Variants in MUC5AC observed in about 807,000 individuals in gnomAD.
MUC5AC encodes the protein mucin 5AC, oligomeric mucus/gel-forming, also known as mucin-5AC.
Under a neutral mutation model 169.7 loss-of-function variants are expected in MUC5AC, and 158 were observed. The observed-to-expected ratio is 0.93, with a 90% CI of 0.82 to 1.06. The LOEUF (loss-of-function observed/expected upper bound fraction) is 1.06, where lower values mean the gene tolerates loss of function less well. Ranked by LOEUF, MUC5AC falls within the 50% of genes least tolerant of loss-of-function variation. MUC5AC has a pLI of 0.00. For synonymous variants in MUC5AC, 1,975 were observed against 1,237.0 expected, an observed-to-expected ratio of 1.60 and a Z score of -12.52; for missense variants, 4,359 against 3,089.9, an observed-to-expected ratio of 1.41 and a Z score of -9.74.
chr11:1,160,701 T>G lies in MUC5AC; in HGVS notation c.151+12T>G. On this transcript the variant is annotated intron_variant, in intron 2 of 48. Transcript: ENST00000621226. ...CCGGGGGCCCAGCGGTGAGTCTGAGTGTCCGGCCCCCACCCTAAGCCTGTC... is the reference window on the plus strand; with the variant it reads ...CCGGGGGCCCAGCGGTGAGTCTGAGGGTCCGGCCCCCACCCTAAGCCTGTC... 1 of 1,605,644 alleles carries G rather than the reference T, an allele frequency of 6.2e-7. No individual in the cohort carries two copies. The highest frequency in any genetic ancestry group is 8.5e-7 in the Non-Finnish European group (1 of 1,177,582).
At chr11:1,170,653 C>CCACT (rs1468122748) in intron 15 of MUC5AC, among the ~76,000 whole-genome samples, 1 of 113,904 alleles carries the variant, frequency 8.8e-6, no homozygotes, top group Non-Finnish European at 1.8e-5. Flanking sequence ...ACCCATTCAC[C>CCACT]CACTCACTCA....
At chr11:1,198,519 C>CG (rs1554930488) in intron 43 of MUC5AC, among the ~76,000 whole-genome samples, 1 of 152,068 alleles carries the variant, frequency 6.6e-6, no homozygotes, top group African/African-American at 2.4e-5. Context: ...TGCCTGGCTC[C>CG]GGGGGGCTCC....
At chr11:1,167,833 C>A in intron 11 of MUC5AC, 44 bp from the exon 12 acceptor site, 1 of 1,500,492 alleles carries the variant, frequency 6.7e-7, no homozygotes, top group Non-Finnish European at 9.1e-7. Flanking sequence ...GTGGGCTGGG[C>A]GTTGGATGGA....
chr11:1,171,227 C>T (rs1229528109), intron 15 of MUC5AC, among the ~76,000 whole-genome samples: 19 of 149,308 alleles, frequency 1.3e-4, no homozygotes, highest in African/African-American at 4.2e-4. Context: ...CTCACCCACT[C>T]ACCCATTCAC....
rs1049041502 is a variant in MUC5AC at position 1,174,904 on chromosome 11, C to G, written c.2115C>G (p.Pro705=). Residue 705 remains proline, a synonymous_variant, in exon 18 of 49, where the codon CCC becomes CCG. Transcript: ENST00000621226. ...CAGCGAAGCCTATGACCACTTGCCC[C>G]AAGTCAATGACGTACCACTACCATG... ...GVCTKPMTTC[P]KSMTYHYHVS... The G allele has an allele frequency of 2.4e-6, 1 of 413,548 alleles. No individual in the cohort carries two copies. Among genetic ancestry groups the G allele is most frequent in the Non-Finnish European group, 4.3e-6 (1 of 234,320 alleles). The allele number at this position is 413,548 out of a possible 1,614,324, so 25.6% of individuals were successfully genotyped here. A position where few individuals can be genotyped will look rare whatever the true frequency, so the allele number is the denominator to read the frequency against.
intron 31 of MUC5AC, 69 bp from the exon 32 acceptor site, chr11:1,192,714 T>C: frequency 1.4e-6 from 1 of 697,784 alleles, no homozygotes; most frequent in Non-Finnish European, 2.6e-6. Context: ...CCCCTCTGGC[T>C]CTGGGAGTTT....
At chr11:1,169,076 A>C (rs1590137827) in intron 15 of MUC5AC, 50 bp downstream of exon 15, 2 of 1,486,134 alleles carry the variant, frequency 1.3e-6, no homozygotes, top group African/African-American at 1.4e-5. Context: ...GCGCTGGTTC[A>C]CCCGCTTCCA....
In MUC5AC at chr11:1,177,650, C is replaced by T. The variant is rs933109099; in HGVS notation, c.3087+17C>T. The T allele has an allele frequency of 2.0e-5, 8 of 398,512 alleles. No homozygotes were observed. Among genetic ancestry groups the T allele is most frequent in the African/African-American group, 6.2e-5 (3 of 48,598 alleles). The allele number at this position is 398,512 out of a possible 1,614,324, so 24.7% of individuals were successfully genotyped here. A position where few individuals can be genotyped will look rare whatever the true frequency, so the allele number is the denominator to read the frequency against. On this transcript the variant is annotated intron_variant, in intron 24 of 48. Transcript: ENST00000621226. The stretch of plus-strand genomic sequence containing the variant: ...GAGTTCAAGGTGAGACCACGCCCCT[C>T]GTCCAGGCCAGGGCCGGCTGGAAAC...
Position 1,163,988 on chromosome 11 carries a change from C to A in MUC5AC, c.786C>A (p.Gly262=), listed in dbSNP as rs771130846. 4.3e-6 allele frequency: 7 copies of A among 1,610,046 alleles called. No individual in the cohort carries two copies. Among genetic ancestry groups the A allele is most frequent in the South Asian group, 1.1e-5 (1 of 90,674 alleles). ...AACCCCCGAGGAACTGCTCCACTGG[C>A]TTTGTAAGCCTTGGAGGGAACAGAG... ...VPEPPRNCST[G]FGICEELLHG... is the part of the protein sequence containing the mutation. Residue 262 remains glycine, a synonymous_variant, in exon 7 of 49, where the codon GGC becomes GGA. Transcript: ENST00000621226.
At chr11:1,164,743 G>A (rs1315299056) in intron 9 of MUC5AC, among the ~76,000 whole-genome samples, 1 of 149,410 alleles carries the variant, frequency 6.7e-6, no homozygotes, top group Non-Finnish European at 1.5e-5. Flanking sequence ...GGGCCCCTAA[G>A]GCTGGTTGAG....
chr11:1,169,051 T>C, intron 15 of MUC5AC, 25 bp downstream of exon 15: 1 of 1,525,284 alleles, frequency 6.6e-7, no homozygotes, highest in Non-Finnish European at 8.8e-7. Context: ...GGCTCGCCTC[T>C]GTGCTGGCCG....
In MUC5AC at chr11:1,162,050, A is replaced by G. The variant is rs1214284147; in HGVS notation, c.355A>G (p.Asn119Asp). ...EHCGAAYEDF[N>D]IQLRRSQESA... ...CTGCGGTGCCGCCTACGAGGATTTT[A>G]ACATCCAGCTACGCCGCAGCCAGGA... is the stretch of plus-strand genomic sequence containing the variant. Residue 119 changes from asparagine (N) to aspartate (D), a missense_variant, in exon 4 of 49, where the codon AAC (asparagine) becomes GAC (aspartate). Coordinates refer to ENST00000621226, the MANE Select transcript of MUC5AC (RefSeq NM_001304359.2). 1 of 1,612,446 alleles carries G rather than the reference A, an allele frequency of 6.2e-7. No homozygotes were observed. Among genetic ancestry groups the G allele is most frequent in the Non-Finnish European group, 8.5e-7 (1 of 1,179,750 alleles).
Position 1,187,497 on chromosome 11 carries a change from T to G in MUC5AC, c.9352T>G (p.Ser3118Ala), listed in dbSNP as rs1397676232. 1 of 738,928 alleles carries G rather than the reference T, an allele frequency of 1.4e-6. No individual in the cohort carries two copies. Among genetic ancestry groups the G allele is most frequent in the Admixed American group, 1.8e-5 (1 of 54,632 alleles). The allele number at this position is 738,928 out of a possible 1,614,324, so 45.8% of individuals were successfully genotyped here. ...TTSASTASKT[S>A]GLGTTPSPIP... ...CTCTGCCTCTACAGCCAGCAAAACC[T>G]CTGGTCTTGGAACTACTCCCAGCCC... is the stretch of plus-strand genomic sequence containing the variant. Residue 3118 changes from serine (S) to alanine (A), a missense_variant, in exon 31 of 49, where the codon TCT (serine) becomes GCT (alanine). Ser to Ala is a moderately conservative substitution (Grantham distance 99). Transcript: ENST00000621226.
Position 1,188,624 on chromosome 11 carries a change from C to T in MUC5AC, c.10479C>T (p.Ser3493=). The T allele has an allele frequency of 1.3e-6, 1 of 765,076 alleles. No homozygotes were observed. The highest frequency in any genetic ancestry group is 1.3e-5 in the South Asian group (1 of 74,592). The allele number at this position is 765,076 out of a possible 1,614,324, so 47.4% of individuals were successfully genotyped here. Residue 3493 remains serine, a synonymous_variant, in exon 31 of 49, where the codon AGC becomes AGT. Coordinates refer to ENST00000621226, the MANE Select transcript of MUC5AC (RefSeq NM_001304359.2). The part of the protein sequence containing the change: ...GTTPSPVTTT[S]TASVSKTSTS... The stretch of plus-strand genomic sequence containing the variant: ...CTCCCAGCCCTGTTACCACCACCAG[C>T]ACAGCCTCTGTTTCAAAGACCAGCA...
In MUC5AC at chr11:1,162,524, C is replaced by T. The variant is rs747085445; in HGVS notation, c.474-8C>T. Reference sequence around the variant, plus strand: ...CTCCCAGCCCCTCAGCCCTGCCTTCCTCCACAGGGTCCTGCTGCCCTTCAG... The same window carrying T: ...CTCCCAGCCCCTCAGCCCTGCCTTCTTCCACAGGGTCCTGCTGCCCTTCAG... On this transcript the variant is annotated splice_polypyrimidine_tract_variant and splice_region_variant and intron_variant, in intron 4 of 48. Coordinates refer to ENST00000621226, the MANE Select transcript of MUC5AC (RefSeq NM_001304359.2). 2.9e-5 allele frequency: 47 copies of T among 1,611,668 alleles called. No homozygotes were observed. Among genetic ancestry groups the T allele is most frequent in the Non-Finnish European group, 3.9e-5 (46 of 1,179,262 alleles).
At position 1,199,442 on chromosome 11, in the gene MUC5AC, C is replaced by T. The variant is rs376339615; in HGVS notation, c.16467C>T (p.Leu5489=). ...AGTGTGAGAAGCACCAGGATGGGCT[C>T]GTGGTGGTCACCACGAAGAAGGCGT... ...THQCEKHQDG[L]VVVTTKKACP... Residue 5489 remains leucine, a synonymous_variant, in exon 46 of 49, where the codon CTC becomes CTT. Coordinates refer to ENST00000621226, the MANE Select transcript of MUC5AC (RefSeq NM_001304359.2). 14 of 730,392 alleles carry T rather than the reference C, an allele frequency of 1.9e-5. No homozygotes were observed. The highest frequency in any genetic ancestry group is 5.1e-5 in the African/African-American group (3 of 58,300). The allele number at this position is 730,392 out of a possible 1,614,324, so 45.2% of individuals were successfully genotyped here. A position where few individuals can be genotyped will look rare whatever the true frequency, so the allele number is the denominator to read the frequency against.
At chr11:1,180,717 G>A (rs1430530767) in intron 28 of MUC5AC, among the ~76,000 whole-genome samples, 4 of 152,192 alleles carry the variant, frequency 2.6e-5, no homozygotes, top group Non-Finnish European at 1.5e-5. Context: ...AGTCCCAGAG[G>A]CGGGACTGGG....
Position 1,200,785 on chromosome 11 carries a change from G to A in MUC5AC, c.*83G>A. On this transcript the variant is annotated 3_prime_UTR_variant, in exon 49 of 49. Transcript: ENST00000621226. ...GGCTTCCAAGGCCAGTGGAACTTGT[G>A]CCCCTGTCCAGGCGGCTGCAGCTTT... The A allele has an allele frequency of 1.5e-6, 1 of 664,384 alleles. No individual in the cohort carries two copies. Among genetic ancestry groups the A allele is most frequent in the Non-Finnish European group, 2.7e-6 (1 of 366,982 alleles). 41.2% of individuals were successfully genotyped at this position (664,384 alleles called of 1,614,324 possible).
At chr11:1,168,065 C>T (rs1344786663) in intron 12 of MUC5AC, 78 bp downstream of exon 12, 2 of 1,264,028 alleles carry the variant, frequency 1.6e-6, no homozygotes, top group Middle Eastern at 1.8e-4. Context: ...CTGCCCAAGC[C>T]CTTCATCCCT....
Sources: allele counts gnomAD v4.1 joint callset (sites outside exome capture counted in the v4.1 genomes callset), GRCh38; gene constraint gnomAD v4.1.1; transcripts MANE v1.5; gene names NCBI Gene and HGNC (gene_info 2026-07-23, HGNC 2026-07-21).